The following TGIF2 variants were observed in gnomAD, a reference collection of about 807,000 sequenced individuals.
TGIF2 encodes the protein TGFB induced factor homeobox 2, also known as homeobox protein TGIF2.
In TGIF2, 5 loss-of-function variants were observed where a neutral mutation model predicts 15.1. That is an observed-to-expected ratio of 0.33 (90% CI 0.17 to 0.70). The LOEUF (loss-of-function observed/expected upper bound fraction) is 0.70. Among genes scored for constraint, TGIF2 ranks in the 30% least tolerant of loss-of-function variants. TGIF2 has a pLI of 0.67. For missense variants in TGIF2, 264 were observed against 302.5 expected, an observed-to-expected ratio of 0.87 and a Z score of 0.94; for synonymous variants, 131 against 128.9, an observed-to-expected ratio of 1.02 and a Z score of -0.11.
At position 36,578,810 on chromosome 20, in the gene TGIF2, C is replaced by T. The variant is rs373991636; in HGVS notation, c.36C>T (p.Leu12=). ...GTGATCTAGGTGAGGACGAAGGCCT[C>T]CTCTCCCTGGCGGGCAAAAGGAAGC... ...SDSDLGEDEG[L]LSLAGKRKRR... The change falls in exon 2 of 3, where the codon CTC becomes CTT. Residue 12 remains leucine, a synonymous_variant. Coordinates refer to ENST00000373872, the MANE Select transcript of TGIF2 (RefSeq NM_021809.7). The T allele has an allele frequency of 6.6e-5, 107 of 1,614,068 alleles. 1 individual carries two copies. The East Asian group carries it at 1.4e-3, about 22-fold the overall frequency.
intron 2 of TGIF2, among the ~76,000 whole-genome samples, chr20:36,582,279 T>C (rs535429716): frequency 6.6e-6 from 1 of 152,040 alleles, no homozygotes; most frequent in African/African-American, 2.4e-5. Flanking sequence ...TGGACCCATC[T>C]CCCCGCAAGA....
At position 36,590,981 on chromosome 20, in the gene TGIF2, TA is replaced by T; in HGVS notation, c.266del (p.Asn89IlefsTer70). ...TGCTTCGGAAGGATGGCAAAGACCC[TA>T]ATCAGTTTACCATTTCCCGCCGCGG... ...DMLRKDGKDP[N>X]QFTISRRGGK... On this transcript the variant is annotated frameshift_variant, in exon 3 of 3. Transcript: ENST00000373872. LOFTEE classifies it high-confidence loss of function. 1 of 1,571,686 alleles carries T rather than the reference TA, an allele frequency of 6.4e-7. No homozygotes were observed. The highest frequency in any genetic ancestry group is 8.7e-7 in the Non-Finnish European group (1 of 1,155,646).
chr20:36,580,455 A>C (rs532541791), intron 2 of TGIF2, among the ~76,000 whole-genome samples: 1 of 152,226 alleles, frequency 6.6e-6, no homozygotes, highest in South Asian at 2.1e-4. Flanking sequence ...CCTCATCTGA[A>C]AAAAGGGAGG....
intron 2 of TGIF2, among the ~76,000 whole-genome samples, chr20:36,583,303 C>G (rs906691479): frequency 6.6e-6 from 1 of 150,490 alleles, no homozygotes; most frequent in African/African-American, 2.4e-5. Context: ...ACAAAAAAAA[C>G]CTTCAGTGGT....
At chr20:36,577,410 C>T (rs1025748883) in intron 1 of TGIF2, among the ~76,000 whole-genome samples, 8 of 150,678 alleles carry the variant, frequency 5.3e-5, no homozygotes, top group African/African-American at 2.0e-4. Context: ...GGGGTTTTGC[C>T]ATGTTGGCCA....
chr20:36,583,908 G>GA (rs1042812918), intron 2 of TGIF2, among the ~76,000 whole-genome samples: 1 of 150,172 alleles, frequency 6.7e-6, no homozygotes, highest in Non-Finnish European at 1.5e-5. Context: ...AAAAAGAAAA[G>GA]AAAAAAAAAC....
intron 2 of TGIF2, among the ~76,000 whole-genome samples, chr20:36,583,794 G>C (rs1445970429): frequency 1.3e-5 from 2 of 152,194 alleles, no homozygotes; most frequent in Non-Finnish European, 2.9e-5. Context: ...CTACTTGGGA[G>C]ACTGAGGCAG....
chr20:36,591,214 T>C lies in TGIF2; in HGVS notation c.497T>C (p.Leu166Pro). ...PLVTPGSTLT[L>P]LTRAEAGSPT... Reference sequence around the variant, plus strand: ...GTGACCCCTGGTAGCACACTTACTCTGCTGACCAGGGCTGAGGCTGGAAGC... The same window carrying C: ...GTGACCCCTGGTAGCACACTTACTCCGCTGACCAGGGCTGAGGCTGGAAGC... Residue 166 changes from leucine to proline, a missense_variant, in exon 3 of 3, where the codon CTG becomes CCG. Transcript: ENST00000373872. The surrounding 1 kb of genome is among the most constrained non-coding windows in gnomAD (Gnocchi z 5.3). 1.2e-6 allele frequency: 2 copies of C among 1,614,188 alleles called. No individual in the cohort carries two copies. The highest frequency in any genetic ancestry group is 1.7e-6 in the Non-Finnish European group (2 of 1,179,996).
Position 36,580,637 on chromosome 20 carries a change from C to A in TGIF2, c.192+1671C>A, listed in dbSNP as rs569889667. ...GACCAGCCTGGGCAACATAGGGAGA[C>A]CCCATCTGTACAAAACAAAAAAATT... On this transcript the variant is annotated intron_variant, in intron 2 of 2. Coordinates refer to ENST00000373872, the MANE Select transcript of TGIF2 (RefSeq NM_021809.7). 2.7e-5 allele frequency among the ~76,000 whole-genome samples: 4 copies of A among 150,754 alleles called. No homozygotes were observed. The East Asian group carries it at 7.9e-4, about 30-fold the overall frequency.
rs895872029 is a variant in TGIF2 at position 36,592,782 on chromosome 20, C to G, written c.*1351C>G. 2.2e-4 allele frequency: 34 copies of G among 155,602 alleles called. No homozygotes were observed. The highest frequency in any genetic ancestry group is 2.1e-3 in the Admixed American group (32 of 15,328). The allele number at this position is 155,602 out of a possible 1,614,324, so 9.6% of individuals were successfully genotyped here. On this transcript the variant is annotated 3_prime_UTR_variant, in exon 3 of 3. Transcript: ENST00000373872. ...TTGGTCTTATGCTCCTCCCTTTCCC[C>G]CATTTTTTCTTTTGCTGTTTTGTTT...
At position 36,583,294 on chromosome 20, in the gene TGIF2, C is replaced by A. The variant is rs373113158; in HGVS notation, c.192+4328C>A. On this transcript the variant is annotated intron_variant, in intron 2 of 2. Transcript: ENST00000373872. The stretch of plus-strand genomic sequence containing the variant: ...CAAAAAAAAAAAACAAACAAACAAA[C>A]AAAAAAAACCTTCAGTGGTCTGGCA... 3.3e-3 allele frequency among the ~76,000 whole-genome samples: 499 copies of A among 148,986 alleles called. 2 individuals carry two copies. The highest frequency in any genetic ancestry group is 0.029 in the East Asian group (147 of 5,036).
At chr20:36,587,101 C>T (rs1435295089) in intron 2 of TGIF2, among the ~76,000 whole-genome samples, 1 of 152,222 alleles carries the variant, frequency 6.6e-6, no homozygotes, top group Non-Finnish European at 1.5e-5. Context: ...AGACAAGTCA[C>T]AGGTTCTTTT....
At chr20:36,586,497 C>T (rs1025877966) in intron 2 of TGIF2, among the ~76,000 whole-genome samples, 2 of 152,180 alleles carry the variant, frequency 1.3e-5, no homozygotes, top group Non-Finnish European at 2.9e-5. Flanking sequence ...GAGTTTGAGA[C>T]CAGCCTGGCC....
At chr20:36,586,023 A>G (rs1462619169) in intron 2 of TGIF2, among the ~76,000 whole-genome samples, 2 of 152,166 alleles carry the variant, frequency 1.3e-5, no homozygotes, top group Admixed American at 6.5e-5. Context: ...TGAGAAAGGA[A>G]CCTGGTGCAG....
At chr20:36,584,272 G>T (rs1343651164) in intron 2 of TGIF2, among the ~76,000 whole-genome samples, 3 of 152,138 alleles carry the variant, frequency 2.0e-5, no homozygotes, top group African/African-American at 7.2e-5. Flanking sequence ...TGAGGTCACA[G>T]CACTGGGACA....
intron 2 of TGIF2, among the ~76,000 whole-genome samples, chr20:36,579,176 A>G (rs1255200426): frequency 6.6e-6 from 1 of 151,964 alleles, no homozygotes; most frequent in Non-Finnish European, 1.5e-5. Context: ...GACTTTAGAT[A>G]GTCCTTTTTT....
intron 2 of TGIF2, among the ~76,000 whole-genome samples, chr20:36,580,338 T>G (rs1395553075): frequency 1.3e-5 from 2 of 152,194 alleles, no homozygotes; most frequent in Non-Finnish European, 2.9e-5. Context: ...AGTCTCTGTA[T>G]GAGAAAGGCT....
At chr20:36,579,102 GAGAACACCCACTCTCC>G in intron 2 of TGIF2, 136 bp downstream of exon 2, 1 of 1,203,260 alleles carries the variant, frequency 8.3e-7, no homozygotes. Context: ...TGGGTTAGGG[GAGAACACCCACTCTCC>G]CTGTCTCAAG....
At position 36,591,400 on chromosome 20, in the gene TGIF2, C is replaced by T; in HGVS notation, c.683C>T (p.Pro228Leu). 6.2e-7 allele frequency: 1 copy of T among 1,612,414 alleles called. No individual in the cohort carries two copies. The highest frequency in any genetic ancestry group is 8.5e-7 in the Non-Finnish European group (1 of 1,178,676). ...CCATCACTCCCATTACTGCACACTCCCATCCCTTTAGTCTCTGAAAATCCC... is the reference window on the plus strand; with the variant it reads ...CCATCACTCCCATTACTGCACACTCTCATCCCTTTAGTCTCTGAAAATCCC... ...QDPSLPLLHT[P>L]IPLVSENPQ Residue 228 changes from proline to leucine, a missense_variant, in exon 3 of 3, where the codon CCC becomes CTC. Transcript: ENST00000373872. This position sits in a 1 kb window ranked among gnomAD's most constrained non-coding sequence, Gnocchi z 5.3.
Sources: gnomAD v4.1 joint callset for allele counts (sites outside exome capture counted in the v4.1 genomes callset) on GRCh38, gnomAD v4.1.1 for gene constraint, Gnocchi (gnomAD v3.1) non-coding constraint, MANE v1.5 for transcripts, NCBI Gene and HGNC (gene_info 2026-07-23, HGNC 2026-07-21) for gene names.